UBA3: variants seen among roughly 807,000 people sequenced by gnomAD.
UBA3 encodes the protein ubiquitin like modifier activating enzyme 3.
UBA3 carries 26 observed loss-of-function variants against 73.5 expected under a neutral mutation model. That is an observed-to-expected ratio of 0.35 (90% CI 0.26 to 0.49). The LOEUF is 0.49. UBA3 is among the 20% of genes least tolerant of loss of function. The probability of loss-of-function intolerance (pLI) is 0.98; values close to 1 mark genes in which losing one functional copy is unlikely to be tolerated. For synonymous variants in UBA3, 217 were observed against 191.2 expected, an observed-to-expected ratio of 1.13 and a Z score of -1.11; for missense variants, 495 against 555.6, an observed-to-expected ratio of 0.89 and a Z score of 1.10.
rs189359341 is a variant in UBA3, at chr3:69,075,769, G to T, written c.184-259C>A. 6.0e-4 allele frequency among the ~76,000 whole-genome samples: 90 copies of T among 150,262 alleles called. 2 individuals carry two copies. In the East Asian group the frequency reaches 0.015, roughly 24 times the overall value. Reference sequence around the variant, plus strand: ...TTTTTTGAGACGGAGTCTCGCTCTTGTCACACAGGCTGGAGTGACTGATGG... The same window carrying T: ...TTTTTTGAGACGGAGTCTCGCTCTTTTCACACAGGCTGGAGTGACTGATGG... On this transcript the variant is annotated intron_variant, in intron 3 of 17. Coordinates refer to ENST00000361055, the MANE Select transcript of UBA3 (RefSeq NM_003968.4).
rs564116019 is a variant in UBA3, at chr3:69,062,072, A to G, written c.796+5T>C. 1 of 1,581,556 alleles carries G rather than the reference A, an allele frequency of 6.3e-7. No homozygotes were observed. The highest frequency in any genetic ancestry group is 2.2e-5 in the East Asian group (1 of 44,630). On this transcript the variant is annotated splice_donor_5th_base_variant and intron_variant, in intron 10 of 17. Transcript: ENST00000361055. ...AATTCTAGATTATTAAATTAGGTTT[A>G]TTACCTCCAAAAGGCTGCTCCTTAG...
chr3:69,080,175 G>A, intron 1 of UBA3, 22 bp from the exon 2 acceptor site: 1 of 1,607,634 alleles, frequency 6.2e-7, no homozygotes, highest in Non-Finnish European at 8.5e-7. Flanking sequence ...AATAAAAGAA[G>A]GGTCAGCATC....
chr3:69,070,426 T>C (rs928736951), intron 5 of UBA3, among the ~76,000 whole-genome samples: 1 of 152,170 alleles, frequency 6.6e-6, no homozygotes, highest in Non-Finnish European at 1.5e-5. Flanking sequence ...TTTTGCTAGC[T>C]CAACTTTATC....
At position 69,063,432 on chromosome 3, in the gene UBA3, T is replaced by C; in HGVS notation, c.537+7A>G. On this transcript the variant is annotated splice_region_variant and intron_variant, in intron 8 of 17. Coordinates refer to ENST00000361055, the MANE Select transcript of UBA3 (RefSeq NM_003968.4). ...TCAGAGAACTATAACAATACTAAAG[T>C]CTTTACCAGCATGCCATTTATCCAT... The C allele has an allele frequency of 1.9e-6, 3 of 1,599,228 alleles. No homozygotes were observed. The highest frequency in any genetic ancestry group is 2.6e-6 in the Non-Finnish European group (3 of 1,175,882).
At chr3:69,079,532 A>G (rs2092199602) in intron 2 of UBA3, among the ~76,000 whole-genome samples, 1 of 152,270 alleles carries the variant, frequency 6.6e-6, no homozygotes, top group African/African-American at 2.4e-5. Flanking sequence ...TCACCAGCAT[A>G]GAATTAAGCA....
chr3:69,061,475 A>G (rs2092020771), intron 11 of UBA3: 1 of 169,632 alleles, frequency 5.9e-6, no homozygotes, highest in African/African-American at 2.4e-5. Context: ...GATTGCAGGT[A>G]TAAGCCACCG....
At chr3:69,071,838 G>C (rs901087919) in intron 4 of UBA3, among the ~76,000 whole-genome samples, 2 of 152,056 alleles carry the variant, frequency 1.3e-5, no homozygotes, top group African/African-American at 4.8e-5. Context: ...ATAACCAAAA[G>C]AGAACAACTC....
intron 11 of UBA3, among the ~76,000 whole-genome samples, chr3:69,058,934 G>A (rs2091999437): frequency 6.6e-6 from 1 of 152,196 alleles, no homozygotes; most frequent in African/African-American, 2.4e-5. Context: ...AGGTAAAGAA[G>A]GATGGATGAG....
At chr3:69,056,503 G>C (rs961276171) in intron 14 of UBA3, 109 bp downstream of exon 14, 1 of 976,190 alleles carries the variant, frequency 1.0e-6, no homozygotes, top group South Asian at 1.7e-5. Context: ...ATAATAAGTA[G>C]AGTTCTGGAA....
Position 69,080,135 on chromosome 3 carries a change from T to C in UBA3, c.39A>G (p.Arg13=). The C allele has an allele frequency of 1.2e-6, 2 of 1,608,880 alleles. No individual in the cohort carries two copies. The highest frequency in any genetic ancestry group is 1.7e-6 in the Non-Finnish European group (2 of 1,178,626). Residue 13 remains arginine, a synonymous_variant, in exon 2 of 18, where the codon AGA becomes AGG. Coordinates refer to ENST00000361055, the MANE Select transcript of UBA3 (RefSeq NM_003968.4). ...DGEEPEKKRR[R]IEELLAEKMA... is the part of the protein sequence containing the mutation. Reference sequence around the variant, plus strand: ...ACTTCTCAGCCAGCAGCTCCTCTATTCTCCTTCTTTTCTTCTCCCTAAAAG... The same window carrying C: ...ACTTCTCAGCCAGCAGCTCCTCTATCCTCCTTCTTTTCTTCTCCCTAAAAG...
chr3:69,057,422 T>C, intron 11 of UBA3, 113 bp from the exon 12 acceptor site: 1 of 905,428 alleles, frequency 1.1e-6, no homozygotes. Context: ...TTTTCAGACT[T>C]TCAAGCCAGA....
intron 4 of UBA3, 123 bp downstream of exon 4, chr3:69,075,307 A>AG (rs1476586624): frequency 8.2e-6 from 3 of 366,444 alleles, no homozygotes; most frequent in Non-Finnish European, 1.4e-5. Context: ...TGCTAAACTT[A>AG]TCTAACAAAG....
chr3:69,060,220 TAAAG>T (rs1466530018), intron 11 of UBA3, among the ~76,000 whole-genome samples: 1 of 151,200 alleles, frequency 6.6e-6, no homozygotes, highest in Non-Finnish European at 1.5e-5. Flanking sequence ...AGAATACATA[TAAAG>T]AGAGAAAAAC....
intron 6 of UBA3, among the ~76,000 whole-genome samples, chr3:69,065,352 A>G (rs767763936): frequency 6.6e-5 from 10 of 152,118 alleles, no homozygotes; most frequent in Non-Finnish European, 1.3e-4. Context: ...ATAGGTAGGT[A>G]CCATGCACCT....
At chr3:69,056,331 T>C (rs772202607) in intron 14 of UBA3, 48 bp from the exon 15 acceptor site, 1 of 1,348,034 alleles carries the variant, frequency 7.4e-7, no homozygotes, top group East Asian at 2.4e-5. Flanking sequence ...GCACCAATAT[T>C]AGTCTCTTTT....
chr3:69,057,944 G>C (rs74351413), intron 11 of UBA3, among the ~76,000 whole-genome samples: 1 of 23,080 alleles, frequency 4.3e-5, no homozygotes, highest in Admixed American at 4.6e-4. Flanking sequence ...TTTTTTTTTT[G>C]AGACAGAGTC....
intron 3 of UBA3, 49 bp from the exon 4 acceptor site, chr3:69,075,559 A>C (rs1359166684): frequency 3.9e-5 from 45 of 1,161,038 alleles, no homozygotes; most frequent in Non-Finnish European, 5.0e-5. Flanking sequence ...AACCGCAAAG[A>C]CTATAAATAA....
At chr3:69,070,575 A>AT (rs1373897373) in intron 5 of UBA3, among the ~76,000 whole-genome samples, 2 of 152,144 alleles carry the variant, frequency 1.3e-5, no homozygotes, top group Non-Finnish European at 2.9e-5. Context: ...AAACCCCTCA[A>AT]TATTACATAC....
chr3:69,059,149 A>C (rs2092000805), intron 11 of UBA3, among the ~76,000 whole-genome samples: 1 of 152,218 alleles, frequency 6.6e-6, no homozygotes, highest in Non-Finnish European at 1.5e-5. Flanking sequence ...TACTTGGAAC[A>C]CCTCAGATAT....
Sources: allele counts gnomAD v4.1 joint callset (sites outside exome capture counted in the v4.1 genomes callset), GRCh38; gene constraint gnomAD v4.1.1; transcripts MANE v1.5; gene names NCBI Gene and HGNC (gene_info 2026-07-23, HGNC 2026-07-21).